GRK7: variants seen among roughly 807,000 people sequenced by gnomAD.
GRK7 encodes rhodopsin kinase GRK7.
A neutral mutation model predicts 34.1 loss-of-function variants in GRK7; 24 were observed. The observed-to-expected ratio is 0.70, with a 90% confidence interval of 0.51 to 0.99. The LOEUF is 0.99. GRK7 is among the 50% of genes least tolerant of loss of function. GRK7 has a pLI of 0.00. For missense variants in GRK7, 644 were observed against 707.3 expected (o/e 0.91, Z 1.02); for synonymous variants, 256 against 279.4 (o/e 0.92, Z 0.84).
intron 4 of GRK7, among the ~76,000 whole-genome samples, chr3:141,782,642 G>C (rs2084677469): frequency 6.6e-6 from 1 of 152,042 alleles, no homozygotes; most frequent in African/African-American, 2.4e-5. Context: ...ACACCAACAT[G>C]TGGGGGTATA....
intron 4 of GRK7, among the ~76,000 whole-genome samples, chr3:141,794,071 G>T (rs2084738180): frequency 1.3e-5 from 2 of 152,116 alleles, no homozygotes; most frequent in African/African-American, 4.8e-5. Context: ...ACTGGGTGAG[G>T]GTGGGGGTAG....
At chr3:141,795,870 T>G (rs2084746524) in intron 4 of GRK7, among the ~76,000 whole-genome samples, 1 of 151,934 alleles carries the variant, frequency 6.6e-6, no homozygotes, top group South Asian at 2.1e-4. Context: ...CTCAGGGAAC[T>G]GTGGGCTTGC....
chr3:141,804,734 CACAT>C (rs1489189969), intron 4 of GRK7, among the ~76,000 whole-genome samples: 3 of 151,810 alleles, frequency 2.0e-5, no homozygotes, highest in Admixed American at 1.3e-4. Context: ...CACTCACCCT[CACAT>C]ACACATACAT....
rs200708791 is a variant in GRK7, at chr3:141,778,609, C to T, written c.325C>T (p.Leu109=). The T allele has an allele frequency of 4.7e-5, 76 of 1,612,318 alleles. No homozygotes were observed. In the East Asian group the frequency reaches 7.6e-4, roughly 16 times the overall value. The part of the protein sequence containing the change: ...GPTKDSALQG[L]VATCASAPAP... ...CACCAAAGACAGCGCGCTGCAGGGGCTGGTGGCCACTTGTGCGAGTGCCCC... is the reference window on the plus strand; with the variant it reads ...CACCAAAGACAGCGCGCTGCAGGGGTTGGTGGCCACTTGTGCGAGTGCCCC... Residue 109 remains leucine (L), a synonymous_variant, in exon 3 of 6, where the codon CTG becomes TTG. Transcript: ENST00000682958. This position sits in a 1 kb window ranked among gnomAD's most constrained non-coding sequence, Gnocchi z 4.1.
At chr3:141,804,693 G>A in intron 4 of GRK7, among the ~76,000 whole-genome samples, 1 of 147,656 alleles carries the variant, frequency 6.8e-6, no homozygotes, top group East Asian at 2.1e-4. Context: ...ATACACACAT[G>A]CTCTCATATA....
chr3:141,767,015 A>T (rs529249386), intron 1 of GRK7, among the ~76,000 whole-genome samples: 1 of 152,228 alleles, frequency 6.6e-6, no homozygotes, highest in Non-Finnish European at 1.5e-5. Flanking sequence ...ATGAGAATGC[A>T]GTCATTATTA....
At chr3:141,769,140 G>A (rs1263075258) in intron 1 of GRK7, among the ~76,000 whole-genome samples, 1 of 151,836 alleles carries the variant, frequency 6.6e-6, no homozygotes, top group African/African-American at 2.4e-5. Context: ...ATCACCACTG[G>A]GACATCTCCC....
chr3:141,793,409 G>C (rs969069510), intron 4 of GRK7, among the ~76,000 whole-genome samples: 2 of 152,208 alleles, frequency 1.3e-5, no homozygotes, highest in Non-Finnish European at 2.9e-5. Context: ...ATTGCTGGCT[G>C]GTTTGTGTTT....
chr3:141,794,621 A>G (rs2107886360), intron 4 of GRK7, among the ~76,000 whole-genome samples: 1 of 152,298 alleles, frequency 6.6e-6, no homozygotes, highest in Admixed American at 6.5e-5. Flanking sequence ...ACATGTTTCA[A>G]ATTTTGTTTT....
chr3:141,780,919 T>G lies in GRK7; in HGVS notation c.1050+108T>G, dbSNP rs1307447022. On this transcript the variant is annotated intron_variant, in intron 4 of 5. Transcript: ENST00000682958. ...AGAGCCTTGGACTTAATTCTTTTGG[T>G]TTTTTTTCCTAAAGCGCTTACGTTG... 6 of 1,003,442 alleles carry G rather than the reference T, an allele frequency of 6.0e-6. No homozygotes were observed. In the Admixed American group the frequency reaches 1.4e-4, roughly 24 times the overall value. The allele number at this position is 1,003,442 out of a possible 1,614,324, so 62.2% of individuals were successfully genotyped here.
At chr3:141,751,382 A>C in the GRK7 span, among the ~76,000 whole-genome samples, 1 of 152,228 alleles carries the variant, frequency 6.6e-6, no homozygotes, top group African/African-American at 2.4e-5. Context: ...ATTTTAATAA[A>C]AAGTCTTCTC....
intron 5 of GRK7, among the ~76,000 whole-genome samples, chr3:141,811,036 C>T (rs1048212010): frequency 3.9e-5 from 6 of 151,974 alleles, no homozygotes; most frequent in African/African-American, 9.7e-5. Flanking sequence ...CTATCTTGGC[C>T]GGGCGCGGTG....
Position 141,768,084 on chromosome 3 carries a change from G to A in GRK7, c.-215+2346G>A, listed in dbSNP as rs149189657. On this transcript the variant is annotated intron_variant, in intron 1 of 5. Coordinates refer to ENST00000682958, the MANE Select transcript of GRK7 (RefSeq NM_139209.3). Reference sequence around the variant, plus strand: ...CCTCTATGTTCCCCTTGGATTTGGTGCCTACCTGTGGAGCGGCCTCTAACC... The same window carrying A: ...CCTCTATGTTCCCCTTGGATTTGGTACCTACCTGTGGAGCGGCCTCTAACC... Among the ~76,000 whole-genome samples, 171 of 152,212 alleles carry A rather than the reference G, an allele frequency of 1.1e-3. 1 individual carries two copies. The highest frequency in any genetic ancestry group is 3.9e-3 in the African/African-American group (161 of 41,532).
At position 141,780,413 on chromosome 3, in the gene GRK7, G is replaced by A. The variant is rs771364879; in HGVS notation, c.652G>A (p.Ala218Thr). The change falls in exon 4 of 6, where the codon GCC becomes ACC. Residue 218 changes from alanine to threonine, a missense_variant. Physicochemically the swap from Ala to Thr is moderately conservative, Grantham distance 58. Transcript: ENST00000682958. ...GGTGAAAAACACTGGGAAGATGTAT[G>A]CCTGTAAGAAACTGGACAAGAAGCG... is the stretch of plus-strand genomic sequence containing the variant. ...VQVKNTGKMY[A>T]CKKLDKKRLK... 2 of 1,614,176 alleles carry A rather than the reference G, an allele frequency of 1.2e-6. No homozygotes were observed. Among genetic ancestry groups the A allele is most frequent in the South Asian group, 2.2e-5 (2 of 91,074 alleles).
the GRK7 span, among the ~76,000 whole-genome samples, chr3:141,753,636 G>C: frequency 5.8e-3 from 883 of 152,322 alleles, 1 homozygote; most frequent in African/African-American, 0.02. Flanking sequence ...CTGCTGTGCA[G>C]CCCAGTTCCT....
intron 1 of GRK7, among the ~76,000 whole-genome samples, chr3:141,773,328 T>G (rs7616846): frequency 6.6e-6 from 1 of 151,516 alleles, no homozygotes; most frequent in Non-Finnish European, 1.5e-5. Context: ...GGCATCACAG[T>G]TTTCCGAGGT....
At chr3:141,784,163 T>A (rs1267444378) in intron 4 of GRK7, among the ~76,000 whole-genome samples, 6 of 152,184 alleles carry the variant, frequency 3.9e-5, no homozygotes, top group Admixed American at 3.3e-4. Context: ...GCCATGGCCA[T>A]TTGGAAGGAC....
intron 4 of GRK7, among the ~76,000 whole-genome samples, chr3:141,793,673 A>G (rs2084736308): frequency 6.6e-6 from 1 of 152,138 alleles, no homozygotes; most frequent in African/African-American, 2.4e-5. Context: ...TAGCTGCCAG[A>G]AGGGGGCGGA....
rs369552626 is a variant in GRK7, at chr3:141,780,458, G to A, written c.697G>A (p.Glu233Lys). 158 of 1,614,116 alleles carry A rather than the reference G, an allele frequency of 9.8e-5. No homozygotes were observed. Among genetic ancestry groups the A allele is most frequent in the Admixed American group, 2.8e-4 (17 of 60,008 alleles). ...GAAGCGGCTGAAGAAGAAAGGTGGC[G>A]AGAAGATGGCTCTCTTGGAAAAGGA... The part of the protein sequence containing the change: ...DKKRLKKKGG[E>K]KMALLEKEIL... The change falls in exon 4 of 6, where the codon GAG becomes AAG. Residue 233 changes from glutamate to lysine, a missense_variant. Physicochemically the swap from Glu to Lys is moderately conservative, Grantham distance 56. Transcript: ENST00000682958.
Sources: allele counts gnomAD v4.1 joint callset (sites outside exome capture counted in the v4.1 genomes callset), GRCh38; gene constraint gnomAD v4.1.1; non-coding constraint Gnocchi (gnomAD v3.1); transcripts MANE v1.5; gene names NCBI Gene and HGNC (gene_info 2026-07-23, HGNC 2026-07-21).